Variants in MKNK2 observed in about 807,000 individuals in gnomAD.
The protein encoded by MKNK2 is MAPK interacting serine/threonine kinase 2.
A neutral mutation model predicts 55.0 loss-of-function variants in MKNK2; 54 were observed. That is an observed-to-expected ratio of 0.98 (90% confidence interval 0.79 to 1.23). MKNK2 has a LOEUF of 1.23. Among genes scored for constraint, MKNK2 ranks in the 50% most tolerant of loss-of-function variants. The pLI, the probability that MKNK2 is intolerant of heterozygous loss-of-function variation, is 0.00. For synonymous variants in MKNK2, 323 were observed against 256.0 expected (o/e 1.26, Z -2.50); for missense variants, 685 against 632.1 (o/e 1.08, Z -0.90).
Position 2,041,121 on chromosome 19 carries a change from G to A in MKNK2, c.1029C>T (p.Asp343=), listed in dbSNP as rs1231383597. Residue 343 remains aspartate (D), a synonymous_variant, in exon 12 of 14, where the codon GAC becomes GAT. Transcript: ENST00000250896. ...CACGGACCAGCAGCTTGGAGATGAG[G>A]TCTTTGGCAGCGCAGGAGATGTGGG... ...DWAHISCAAK[D]LISKLLVRDA... is the part of the protein sequence containing the mutation. The A allele has an allele frequency of 8.7e-6, 14 of 1,613,994 alleles. No individual in the cohort carries two copies. Among genetic ancestry groups the A allele is most frequent in the Admixed American group, 1.7e-5 (1 of 60,000 alleles).
chr19:2,042,986 G>A (rs2016925300), intron 7 of MKNK2, 116 bp from the exon 8 acceptor site: 1 of 1,320,950 alleles, frequency 7.6e-7, no homozygotes, highest in South Asian at 1.3e-5. Flanking sequence ...GCTTCCTCCA[G>A]CACAAAGGCC....
In MKNK2 at chr19:2,037,768, G is replaced by A. The variant is rs2016778649; in HGVS notation, c.*1845C>T. On this transcript the variant is annotated 3_prime_UTR_variant, in exon 14 of 14. Coordinates refer to ENST00000250896, the MANE Select transcript of MKNK2 (RefSeq NM_199054.3). Reference sequence around the variant, plus strand: ...TCATTCACAGTAACGGTTCTGACCAGTCCTCCAGGTCGCACGTGGATGCGA... The same window carrying A: ...TCATTCACAGTAACGGTTCTGACCAATCCTCCAGGTCGCACGTGGATGCGA... 1.2e-6 allele frequency: 2 copies of A among 1,607,176 alleles called. No homozygotes were observed. Among genetic ancestry groups the A allele is most frequent in the East Asian group, 2.2e-5 (1 of 44,768 alleles).
chr19:2,044,780 T>C (rs2016962951), intron 5 of MKNK2, among the ~76,000 whole-genome samples: 1 of 152,230 alleles, frequency 6.6e-6, no homozygotes, highest in Non-Finnish European at 1.5e-5. Flanking sequence ...GCACTGCAGA[T>C]GGTTCTGGAC....
At position 2,041,895 on chromosome 19, in the gene MKNK2, C is replaced by T; in HGVS notation, c.890G>A (p.Gly297Asp). Residue 297 changes from glycine to aspartate, a missense_variant, in exon 11 of 14, where the codon GGC becomes GAC. Coordinates refer to ENST00000250896, the MANE Select transcript of MKNK2 (RefSeq NM_199054.3). ...CCAGCCGCAGTCGCTGCCACAGCGG[C>T]CCACGAAGGGCGGGTAGCCGCTGAG... is the stretch of plus-strand genomic sequence containing the variant. ...ILLSGYPPFV[G>D]RCGSDCGWDR... 6.5e-7 allele frequency: 1 copy of T among 1,544,564 alleles called. No individual in the cohort carries two copies.
In MKNK2 at chr19:2,040,128, C is replaced by T. The variant is rs1292800273; in HGVS notation, c.1154+6G>A. On this transcript the variant is annotated splice_donor_region_variant and intron_variant, in intron 13 of 13. Coordinates refer to ENST00000250896, the MANE Select transcript of MKNK2 (RefSeq NM_199054.3). Reference sequence around the variant, plus strand: ...CAGGGGTCCCGAGCACCCCTGCGGGCCTTACCTCTGCAGGACCATGGGAGT... The same window carrying T: ...CAGGGGTCCCGAGCACCCCTGCGGGTCTTACCTCTGCAGGACCATGGGAGT... 6.3e-7 allele frequency: 1 copy of T among 1,590,180 alleles called. No individual in the cohort carries two copies. The highest frequency in any genetic ancestry group is 2.3e-5 in the East Asian group (1 of 44,034).
intron 12 of MKNK2, 36 bp from the exon 13 acceptor site, chr19:2,040,213 C>A (rs2016846621): frequency 1.3e-6 from 2 of 1,525,504 alleles, no homozygotes; most frequent in Non-Finnish European, 8.8e-7. Flanking sequence ...GGCTGGAGAG[C>A]AGCTGGGGCC....
intron 11 of MKNK2, among the ~76,000 whole-genome samples, chr19:2,041,537 C>G (rs192391760): frequency 7.2e-4 from 109 of 152,278 alleles, no homozygotes; most frequent in Admixed American, 2.3e-3. Flanking sequence ...CTGGGGTTTC[C>G]CTTGGGCAGG....
At chr19:2,040,804 G>A (rs1318236098) in intron 12 of MKNK2, 13 of 562,232 alleles carry the variant, frequency 2.3e-5, no homozygotes, top group African/African-American at 2.1e-4. Context: ...CCACCCTCCA[G>A]GAAGGTTCTC....
Position 2,043,514 on chromosome 19 carries a change from G to A in MKNK2, c.408C>T (p.Cys136=), listed in dbSNP as rs372284653. Residue 136 remains cysteine (C), a synonymous_variant, in exon 6 of 14, where the codon TGC becomes TGT. Transcript: ENST00000250896. ...GGTGGCTCACCTACCTGTGTCCCTG[G>A]CACTGGTACAGCATCTCCACCTCCC... ...VFREVEMLYQ[C]QGHRNVLELI... The A allele has an allele frequency of 5.1e-5, 83 of 1,613,754 alleles. No individual in the cohort carries two copies. The highest frequency in any genetic ancestry group is 1.7e-5 in the Admixed American group (1 of 59,986).
chr19:2,039,711 G>A lies in MKNK2; in HGVS notation c.1300C>T (p.Leu434=), dbSNP rs1304335464. The stretch of plus-strand genomic sequence containing the variant: ...GACTGGGAGGGTGGAGACAGCTGCA[G>A]GCAGCGTGAGGTAGCTCGGACCAGG... ...PVLVRATSRC[L]QLSPPSQSKL... Residue 434 remains leucine, a synonymous_variant, in exon 14 of 14, where the codon CTG becomes TTG. Transcript: ENST00000250896. 1 of 1,612,462 alleles carries A rather than the reference G, an allele frequency of 6.2e-7. No homozygotes were observed. The highest frequency in any genetic ancestry group is 8.5e-7 in the Non-Finnish European group (1 of 1,179,922).
Position 2,039,710 on chromosome 19 carries a change from A to C in MKNK2, c.1301T>G (p.Leu434Arg). The C allele has an allele frequency of 6.2e-7, 1 of 1,612,414 alleles. No homozygotes were observed. The highest frequency in any genetic ancestry group is 8.5e-7 in the Non-Finnish European group (1 of 1,179,914). ...GGACTGGGAGGGTGGAGACAGCTGC[A>C]GGCAGCGTGAGGTAGCTCGGACCAG... ...PVLVRATSRC[L>R]QLSPPSQSKL... Residue 434 changes from leucine (L) to arginine (R), a missense_variant, in exon 14 of 14, where the codon CTG (leucine) becomes CGG (arginine). By Grantham distance (102) the Leu-to-Arg change is moderately radical. Coordinates refer to ENST00000250896, the MANE Select transcript of MKNK2 (RefSeq NM_199054.3).
In MKNK2 at chr19:2,042,677, A is replaced by C. The variant is rs1271294715; in HGVS notation, c.599-15T>G. 6.4e-7 allele frequency: 1 copy of C among 1,559,352 alleles called. No homozygotes were observed. Among genetic ancestry groups the C allele is most frequent in the East Asian group, 2.4e-5 (1 of 42,354 alleles). On this transcript the variant is annotated splice_polypyrimidine_tract_variant and intron_variant, in intron 8 of 13. Transcript: ENST00000250896. ...GTGGGCGATGCCTGGGGGAGAAGCC[A>C]CAGAACCACGACGGGGTGAGGGTCT...
chr19:2,045,564 AC>A (rs2016979015), intron 5 of MKNK2, among the ~76,000 whole-genome samples: 1 of 151,778 alleles, frequency 6.6e-6, no homozygotes, highest in Non-Finnish European at 1.5e-5. Context: ...CTGGCCGTCC[AC>A]CAGGACCCAC....
chr19:2,048,064 C>G (rs2017037016), intron 2 of MKNK2, among the ~76,000 whole-genome samples: 1 of 152,162 alleles, frequency 6.6e-6, no homozygotes, highest in South Asian at 2.1e-4. Flanking sequence ...CCCACAGGCG[C>G]GAGTGTGCCA....
At chr19:2,046,511 G>C in intron 3 of MKNK2, 43 bp from the exon 4 acceptor site, 1 of 1,572,584 alleles carries the variant, frequency 6.4e-7, no homozygotes, top group Non-Finnish European at 8.6e-7. Context: ...ACATGGCCCT[G>C]GCCGGCCGGC....
intron 5 of MKNK2, among the ~76,000 whole-genome samples, chr19:2,045,041 T>G (rs1442706424): frequency 6.6e-6 from 1 of 152,008 alleles, no homozygotes; most frequent in Non-Finnish European, 1.5e-5. Context: ...GCCCAGCGAT[T>G]CGCCTCTCTG....
Position 2,050,838 on chromosome 19 carries a change from T to G in MKNK2, c.14A>C (p.Lys5Thr), listed in dbSNP as rs773108472. 1.6e-5 allele frequency: 25 copies of G among 1,536,900 alleles called. No homozygotes were observed. In the South Asian group the frequency reaches 3.0e-4, roughly 19 times the overall value. ...GTGGAAACCCTGAAGTTCGGCTGGT[T>G]TCTTCTGCACCATCTTCTGTCCGGG... MVQK[K>T]PAELQGFHRS... Residue 5 changes from lysine (K) to threonine (T), a missense_variant, in exon 2 of 14, where the codon AAA becomes ACA. By Grantham distance (78) the Lys-to-Thr change is moderately conservative. Coordinates refer to ENST00000250896, the MANE Select transcript of MKNK2 (RefSeq NM_199054.3).
intron 6 of MKNK2, 143 bp from the exon 7 acceptor site, chr19:2,043,340 C>T (rs1599381992): frequency 2.0e-6 from 2 of 997,944 alleles, no homozygotes; most frequent in Non-Finnish European, 1.6e-6. Context: ...CAGCTTCACA[C>T]TGCCCGCCTG....
intron 11 of MKNK2, among the ~76,000 whole-genome samples, chr19:2,041,513 T>G (rs1188210130): frequency 6.6e-6 from 1 of 152,028 alleles, no homozygotes; most frequent in East Asian, 1.9e-4. Context: ...ACCTCTCAGC[T>G]CTCTGAACCC....
Sources: allele counts gnomAD v4.1 joint callset (sites outside exome capture counted in the v4.1 genomes callset), GRCh38; gene constraint gnomAD v4.1.1; transcripts MANE v1.5; gene names NCBI Gene and HGNC (gene_info 2026-07-23, HGNC 2026-07-21).